PCDHA1: variants seen among roughly 807,000 people sequenced by gnomAD.
PCDHA1 encodes the protein protocadherin alpha 1.
Under a neutral mutation model 61.3 loss-of-function variants are expected in PCDHA1, and 42 were observed. The ratio of observed to expected loss-of-function variants is 0.69; its 90% CI spans 0.54 to 0.89. The LOEUF (loss-of-function observed/expected upper bound fraction) is 0.89. Among genes scored for constraint, PCDHA1 ranks in the 40% least tolerant of loss-of-function variants. PCDHA1 has a pLI of 0.00. For synonymous variants in PCDHA1, 610 were observed against 553.8 expected, an observed-to-expected ratio of 1.10 and a Z score of -1.43; for missense variants, 1,256 against 1,235.3, an observed-to-expected ratio of 1.02 and a Z score of -0.25.
chr5:140,957,983 AG>A (rs1554223250), intron 1 of PCDHA1, among the ~76,000 whole-genome samples: 1 of 152,154 alleles, frequency 6.6e-6, no homozygotes, highest in Non-Finnish European at 1.5e-5. Flanking sequence ...AAATAGAATC[AG>A]TGCCAGATTT....
intron 1 of PCDHA1, 78 bp from the exon 2 acceptor site, chr5:140,978,871 T>G: frequency 6.2e-7 from 1 of 1,606,510 alleles, no homozygotes; most frequent in Non-Finnish European, 8.5e-7. Context: ...TTTAAGGGAG[T>G]AACTAATCAA....
Position 140,870,071 on chromosome 5 carries a change from A to G in PCDHA1, c.2394+81387A>G, listed in dbSNP as rs782336770. Reference sequence around the variant, plus strand: ...TATAAAATTGAAGTACAGGCTACAGATAAGGGGACTCCCCCAATGGCAGGT... The same window carrying G: ...TATAAAATTGAAGTACAGGCTACAGGTAAGGGGACTCCCCCAATGGCAGGT... On this transcript the variant is annotated intron_variant, in intron 1 of 3. Coordinates refer to ENST00000504120, the MANE Select transcript of PCDHA1 (RefSeq NM_018900.4). 13 of 1,613,778 alleles carry G rather than the reference A, an allele frequency of 8.1e-6. No homozygotes were observed. The highest frequency in any genetic ancestry group is 1.3e-5 in the African/African-American group (1 of 74,950).
intron 1 of PCDHA1, chr5:140,797,236 G>A: frequency 6.2e-7 from 1 of 1,614,194 alleles, no homozygotes; most frequent in Non-Finnish European, 8.5e-7. Flanking sequence ...GCGGCAGAGG[G>A]TGTGCTCTGG....
At chr5:140,917,906 G>C (rs1334892378) in intron 1 of PCDHA1, among the ~76,000 whole-genome samples, 1 of 151,938 alleles carries the variant, frequency 6.6e-6, no homozygotes, top group East Asian at 1.9e-4. Flanking sequence ...TGTTAGGATA[G>C]TTTGTTTTTC....
Position 140,974,282 on chromosome 5 carries a change from T to C in PCDHA1, c.2395-4667T>C, listed in dbSNP as rs115449410. Among the ~76,000 whole-genome samples, 1,252 of 152,332 alleles carry C rather than the reference T, an allele frequency of 8.2e-3. 23 individuals carry two copies. The highest frequency in any genetic ancestry group is 0.028 in the African/African-American group (1,180 of 41,572). ...TTCTGGCCTTCCAGGGTCAGAACTC[T>C]GGGCTCCAAGGAGGTACAACTGTGA... On this transcript the variant is annotated intron_variant, in intron 1 of 3. Coordinates refer to ENST00000504120, the MANE Select transcript of PCDHA1 (RefSeq NM_018900.4).
chr5:140,800,527 T>C (rs1275803985), intron 1 of PCDHA1, among the ~76,000 whole-genome samples: 1 of 152,238 alleles, frequency 6.6e-6, no homozygotes, highest in Non-Finnish European at 1.5e-5. Flanking sequence ...TTGATGATCA[T>C]AAATCTGAAA....
At chr5:140,807,119 A>T in intron 1 of PCDHA1, 2 of 1,531,128 alleles carry the variant, frequency 1.3e-6, no homozygotes, top group Non-Finnish European at 1.8e-6. Context: ...CACTTGACTG[A>T]CCGATTAAAA....
intron 2 of PCDHA1, among the ~76,000 whole-genome samples, chr5:140,981,681 C>T (rs1187108666): frequency 6.6e-6 from 1 of 152,064 alleles, no homozygotes; most frequent in Non-Finnish European, 1.5e-5. Context: ...TTCCTTCCTC[C>T]CTTCCATCAT....
At chr5:140,938,507 C>T (rs2092094259) in intron 1 of PCDHA1, among the ~76,000 whole-genome samples, 1 of 151,846 alleles carries the variant, frequency 6.6e-6, no homozygotes, top group Admixed American at 6.6e-5. Flanking sequence ...GAATTTATCA[C>T]ATATTTTCTG....
rs1554118136 is a variant in PCDHA1, at chr5:140,788,138, C to T, written c.1848C>T (p.Gly616=). 1.2e-6 allele frequency: 2 copies of T among 1,613,916 alleles called. No homozygotes were observed. The highest frequency in any genetic ancestry group is 2.2e-5 in the East Asian group (1 of 44,856). Residue 616 remains glycine (G), a synonymous_variant, in exon 1 of 4, where the codon GGC becomes GGT. Transcript: ENST00000504120. Reference sequence around the variant, plus strand: ...CCTATGAACTGCAGCCGGCAGCAGGCGGCGCGCGCATCCCGTTCCGCGTGG... The same window carrying T: ...CCTATGAACTGCAGCCGGCAGCAGGTGGCGCGCGCATCCCGTTCCGCGTGG... ...WLSYELQPAA[G]GARIPFRVGL...
intron 1 of PCDHA1, among the ~76,000 whole-genome samples, chr5:140,832,944 A>C (rs1253078122): frequency 6.6e-6 from 1 of 152,194 alleles, no homozygotes; most frequent in African/African-American, 2.4e-5. Flanking sequence ...AGAGTAACTT[A>C]AGTGAGTATA....
intron 3 of PCDHA1, among the ~76,000 whole-genome samples, chr5:140,994,387 C>T (rs192635308): frequency 1.3e-5 from 2 of 152,174 alleles, no homozygotes; most frequent in East Asian, 1.9e-4. Context: ...GGGACTAAGT[C>T]AGAGATTATT....
chr5:140,972,512 C>T (rs1586536091), intron 1 of PCDHA1, among the ~76,000 whole-genome samples: 1 of 152,018 alleles, frequency 6.6e-6, no homozygotes, highest in Non-Finnish European at 1.5e-5. Context: ...GATTTTACCC[C>T]CAGTGAGCTT....
intron 3 of PCDHA1, among the ~76,000 whole-genome samples, chr5:140,994,802 C>T (rs541054161): frequency 7.9e-5 from 12 of 152,066 alleles, no homozygotes; most frequent in Non-Finnish European, 1.6e-4. Flanking sequence ...CATGCAAAAA[C>T]AAAATACAAA....
At chr5:140,855,178 G>C (rs1170062889) in intron 1 of PCDHA1, among the ~76,000 whole-genome samples, 2 of 149,594 alleles carry the variant, frequency 1.3e-5, no homozygotes, top group African/African-American at 4.9e-5. Flanking sequence ...AAACAAATGT[G>C]GCCAAATTGA....
At chr5:140,851,288 A>C in intron 1 of PCDHA1, 1 of 1,036,248 alleles carries the variant, frequency 9.7e-7, no homozygotes, top group Non-Finnish European at 1.2e-6. Context: ...TAAGAAACCC[A>C]AGCAAAAATA....
At chr5:140,969,294 T>C in intron 1 of PCDHA1, 2 of 1,614,212 alleles carry the variant, frequency 1.2e-6, no homozygotes, top group Non-Finnish European at 1.7e-6. Context: ...GCTGGGAACC[T>C]GATTATTCTC....
chr5:140,858,881 T>A (rs1466953448), intron 1 of PCDHA1: 7 of 242,834 alleles, frequency 2.9e-5, no homozygotes, highest in Non-Finnish European at 5.6e-5. Flanking sequence ...TTTTCCTCCA[T>A]GTGTAGAATA....
At chr5:140,844,807 A>G (rs2150373870) in intron 1 of PCDHA1, among the ~76,000 whole-genome samples, 3 of 148,778 alleles carry the variant, frequency 2.0e-5, no homozygotes, top group Non-Finnish European at 3.0e-5. Context: ...TCTTTCTTTT[A>G]TTTCTTCTTG....
Sources: allele counts gnomAD v4.1 joint callset (sites outside exome capture counted in the v4.1 genomes callset), GRCh38; gene constraint gnomAD v4.1.1; transcripts MANE v1.5; gene names NCBI Gene and HGNC (gene_info 2026-07-23, HGNC 2026-07-21).